Variants in ITCH observed in about 807,000 individuals in gnomAD.
ITCH encodes the protein E3 ubiquitin-protein ligase Itchy homolog.
Under a neutral mutation model 126.8 loss-of-function variants are expected in ITCH, and 28 were observed. That is an observed-to-expected ratio of 0.22 (90% CI 0.16 to 0.30). The LOEUF is 0.30. Among genes scored for constraint, ITCH ranks in the 10% least tolerant of loss-of-function variants. The pLI is 1.00. For missense variants in ITCH, 631 were observed against 1,032.4 expected (o/e 0.61, Z 5.33); for synonymous variants, 342 against 340.0 (o/e 1.01, Z -0.06).
chr20:34,482,921 T>C (rs1988860221), intron 20 of ITCH, among the ~76,000 whole-genome samples: 1 of 151,886 alleles, frequency 6.6e-6, no homozygotes, highest in African/African-American at 2.4e-5. Flanking sequence ...TAGAGGGAGG[T>C]TCCCAAGCCT....
In ITCH at chr20:34,424,618, A is replaced by G. The variant is rs1345479930; in HGVS notation, c.521+93A>G. On this transcript the variant is annotated intron_variant, in intron 7 of 24. Coordinates refer to ENST00000374864, the MANE Select transcript of ITCH (RefSeq NM_031483.7). ...TAAACTTCAGGTTCATGATATAAGA[A>G]TAAATGAGTGTCAGAAAGAATTCAG... 8 of 1,016,286 alleles carry G rather than the reference A, an allele frequency of 7.9e-6. No individual in the cohort carries two copies. The African/African-American group carries it at 9.4e-5, about 12-fold the overall frequency. The allele number at this position is 1,016,286 out of a possible 1,614,324, so 63.0% of individuals were successfully genotyped here.
chr20:34,388,336 G>GTTTGTTTGCTTGTTTGT (rs1463833272), intron 2 of ITCH, among the ~76,000 whole-genome samples: 2 of 152,012 alleles, frequency 1.3e-5, no homozygotes, highest in South Asian at 2.1e-4. Context: ...CTTTTAGTTT[G>GTTTGTTTGCTTGTTTGT]TTTGTTTGCT....
chr20:34,377,130 T>TTGC (rs1179097231), intron 2 of ITCH, among the ~76,000 whole-genome samples: 4 of 152,154 alleles, frequency 2.6e-5, no homozygotes, highest in Non-Finnish European at 5.9e-5. Flanking sequence ...TCCCAGCACT[T>TTGC]TGCGAGGCTG....
chr20:34,476,346 C>T (rs960390707), intron 16 of ITCH: 49 of 1,312,728 alleles, frequency 3.7e-5, no homozygotes, highest in South Asian at 5.4e-5. Flanking sequence ...CGCTCCGGCC[C>T]GGTCCCCGGC....
At chr20:34,367,870 A>G (rs1394265215) in intron 1 of ITCH, among the ~76,000 whole-genome samples, 1 of 152,230 alleles carries the variant, frequency 6.6e-6, no homozygotes, top group Non-Finnish European at 1.5e-5. Flanking sequence ...TAGACTAGAA[A>G]AAGAAAAGGG....
chr20:34,487,728 C>CA (rs1265200737), intron 20 of ITCH, among the ~76,000 whole-genome samples: 2 of 152,120 alleles, frequency 1.3e-5, no homozygotes, highest in Admixed American at 6.5e-5. Flanking sequence ...TGCCTGAGGT[C>CA]AGGAGTTCGA....
At position 34,510,565 on chromosome 20, in the gene ITCH, T is replaced by G. The variant is rs909392451; in HGVS notation, c.*2771T>G. The G allele has an allele frequency of 2.0e-5, 3 of 149,998 alleles. No homozygotes were observed. The highest frequency in any genetic ancestry group is 4.4e-5 in the Non-Finnish European group (3 of 67,704). 9.3% of individuals were successfully genotyped at this position (149,998 alleles called of 1,614,324 possible). On this transcript the variant is annotated 3_prime_UTR_variant, in exon 25 of 25. Transcript: ENST00000374864. ...GGGGTGGGGGTTGGGGAAGACAGCA[T>G]TCCACAGCCTGGTCAGGAGGGAAGG...
At chr20:34,365,519 ATTC>A (rs1323087574) in intron 1 of ITCH, among the ~76,000 whole-genome samples, 3 of 151,972 alleles carry the variant, frequency 2.0e-5, no homozygotes, top group Admixed American at 6.6e-5. Flanking sequence ...GGTTCCAGCA[ATTC>A]TTCTGCCTCA....
chr20:34,364,093 C>G (rs1191914085), intron 1 of ITCH, among the ~76,000 whole-genome samples: 2 of 152,254 alleles, frequency 1.3e-5, no homozygotes, highest in East Asian at 3.9e-4. Flanking sequence ...GTGGAGAACT[C>G]AAGTTTTCCA....
chr20:34,395,649 C>T (rs1422801958), intron 3 of ITCH, among the ~76,000 whole-genome samples: 2 of 152,214 alleles, frequency 1.3e-5, no homozygotes, highest in African/African-American at 2.4e-5. Context: ...AACTCCTGAT[C>T]TTTCTGTCTC....
chr20:34,456,425 G>A, intron 12 of ITCH, among the ~76,000 whole-genome samples: 1 of 146,674 alleles, frequency 6.8e-6, no homozygotes, highest in African/African-American at 2.5e-5. Context: ...TTTTTTATTT[G>A]TTCAACATGT....
intron 20 of ITCH, among the ~76,000 whole-genome samples, chr20:34,483,306 A>G (rs1173758479): frequency 6.6e-6 from 1 of 152,142 alleles, no homozygotes; most frequent in Admixed American, 6.5e-5. Flanking sequence ...TTTCTTGTCT[A>G]TTGCATTGTT....
At chr20:34,393,731 T>C in intron 2 of ITCH, 60 bp from the exon 3 acceptor site, 1 of 974,138 alleles carries the variant, frequency 1.0e-6, no homozygotes, top group Non-Finnish European at 1.7e-6. Context: ...GTTAGCACTA[T>C]TTATATATGT....
intron 16 of ITCH, among the ~76,000 whole-genome samples, chr20:34,475,669 G>C (rs1022778124): frequency 3.3e-5 from 5 of 151,854 alleles, no homozygotes; most frequent in African/African-American, 1.2e-4. Flanking sequence ...GCGAGACCGT[G>C]GGGAGAGGGA....
At chr20:34,364,856 A>G (rs542664115) in intron 1 of ITCH, among the ~76,000 whole-genome samples, 1 of 133,274 alleles carries the variant, frequency 7.5e-6, no homozygotes. Context: ...TCGCTGCTGC[A>G]CTCCAGCCTG....
intron 3 of ITCH, among the ~76,000 whole-genome samples, chr20:34,399,025 A>G (rs1171892834): frequency 6.6e-6 from 1 of 152,184 alleles, no homozygotes; most frequent in Non-Finnish European, 1.5e-5. Context: ...TGGGTCAGTT[A>G]TAGTATTTGT....
chr20:34,408,189 C>T (rs775399798), intron 3 of ITCH, among the ~76,000 whole-genome samples: 7 of 133,790 alleles, frequency 5.2e-5, no homozygotes, highest in Non-Finnish European at 7.9e-5. Context: ...GATTCTCCTA[C>T]CTCAGCCTCC....
intron 16 of ITCH, among the ~76,000 whole-genome samples, chr20:34,472,637 A>G (rs1987758767): frequency 6.6e-6 from 1 of 152,236 alleles, no homozygotes; most frequent in Non-Finnish European, 1.5e-5. Flanking sequence ...GCAAAGGGAA[A>G]AGAGGTTGAG....
At chr20:34,445,260 G>GTTTTTTTTTTTTTTTTTTTTTTTTTTTTT in intron 10 of ITCH, 27 bp from the exon 11 acceptor site, 1 of 1,435,912 alleles carries the variant, frequency 7.0e-7, no homozygotes. Flanking sequence ...GAATTAGCTT[G>GTTTTTTTTTTTTTTTTTTTTTTTTTTTTT]TTTTTTTTTT....
Sources: allele counts gnomAD v4.1 joint callset (sites outside exome capture counted in the v4.1 genomes callset), GRCh38; gene constraint gnomAD v4.1.1; transcripts MANE v1.5; gene names NCBI Gene and HGNC (gene_info 2026-07-23, HGNC 2026-07-21).